Variants in CFAP97 observed in about 807,000 individuals in gnomAD.
CFAP97 encodes the protein cilia and flagella associated protein 97, also known as cilia- and flagella-associated protein 97.
A neutral mutation model predicts 43.1 loss-of-function variants in CFAP97; 36 were observed. The ratio of observed to expected loss-of-function variants is 0.84; its 90% CI spans 0.64 to 1.10. The LOEUF (loss-of-function observed/expected upper bound fraction) is 1.10, where lower values mean the gene tolerates loss of function less well. Among genes scored for constraint, CFAP97 ranks in the 50% least tolerant of loss-of-function variants. The pLI is 0.00. For synonymous variants in CFAP97, 228 were observed against 225.7 expected (o/e 1.01, Z -0.09); for missense variants, 657 against 620.3 (o/e 1.06, Z -0.63).
At chr4:185,197,763 A>G (rs979557261) in intron 1 of CFAP97, among the ~76,000 whole-genome samples, 19 of 152,184 alleles carry the variant, frequency 1.2e-4, no homozygotes, top group Non-Finnish European at 5.9e-5. Flanking sequence ...AAATTATTCC[A>G]ACTCCCATCC....
At chr4:185,197,452 G>A (rs994110113) in intron 1 of CFAP97, among the ~76,000 whole-genome samples, 1 of 149,728 alleles carries the variant, frequency 6.7e-6, no homozygotes, top group Non-Finnish European at 1.5e-5. Flanking sequence ...TTGAGACAGA[G>A]TCTCTCTGAG....
intron 3 of CFAP97, among the ~76,000 whole-genome samples, chr4:185,175,156 C>T (rs1374562031): frequency 6.6e-6 from 1 of 152,068 alleles, no homozygotes; most frequent in African/African-American, 2.4e-5. Context: ...ACTTGGATAC[C>T]ATTTCCTGTT....
intron 3 of CFAP97, among the ~76,000 whole-genome samples, chr4:185,166,769 A>G (rs1259563268): frequency 6.6e-6 from 1 of 152,210 alleles, no homozygotes; most frequent in Non-Finnish European, 1.5e-5. Context: ...GTGTTACATG[A>G]ATATAACAAG....
upstream of CFAP97, chr4:185,204,245 G>A (rs911076326): frequency 1.3e-5 from 2 of 152,238 alleles, no homozygotes; most frequent in Non-Finnish European, 2.9e-5. Context: ...TGCTGCTCCC[G>A]GCTGCCTAGG....
chr4:185,169,783 A>G (rs1455023214), intron 3 of CFAP97: 16 of 985,382 alleles, frequency 1.6e-5, no homozygotes, highest in African/African-American at 1.7e-5. Flanking sequence ...CCACACAGGC[A>G]GAATCAAGAC....
At chr4:185,191,455 A>G (rs1478744288) in intron 1 of CFAP97, among the ~76,000 whole-genome samples, 2 of 152,376 alleles carry the variant, frequency 1.3e-5, no homozygotes, top group Middle Eastern at 3.4e-3. Flanking sequence ...AAAATAACAG[A>G]TCATCAAGGT....
chr4:185,191,062 A>C lies in CFAP97; in HGVS notation c.135T>G (p.Asp45Glu). The C allele has an allele frequency of 1.2e-6, 2 of 1,613,362 alleles. No homozygotes were observed. The highest frequency in any genetic ancestry group is 1.7e-6 in the Non-Finnish European group (2 of 1,179,676). The change falls in exon 2 of 5, where the codon GAT (aspartate) becomes GAG (glutamate). Residue 45 changes from aspartate to glutamate, a missense_variant. Asp to Glu is a conservative substitution (Grantham distance 45). Transcript: ENST00000458385. ...TCGAATTTACATTTTTTGTATCTTT[A>C]TCTATTCTTTCCTTTGGGTCATCAT... ...KQNDDPKERIDKDTKNVNSNT... is the reference protein window; with the variant it reads ...KQNDDPKERIEKDTKNVNSNT...
upstream of CFAP97, chr4:185,204,216 G>A (rs970745100): frequency 6.6e-5 from 10 of 152,254 alleles, no homozygotes; most frequent in Non-Finnish European, 1.3e-4. Context: ...TGGTTGCCAT[G>A]GCGCCCTAGA....
upstream of CFAP97, among the ~76,000 whole-genome samples, chr4:185,208,262 C>T (rs909053136): frequency 2.0e-5 from 3 of 151,954 alleles, no homozygotes; most frequent in Admixed American, 6.6e-5. Flanking sequence ...ATGATCTGCC[C>T]GCCTCAGCCT....
intron 1 of CFAP97, among the ~76,000 whole-genome samples, chr4:185,198,282 AAAAT>A (rs1736648727): frequency 6.6e-6 from 1 of 151,816 alleles, no homozygotes; most frequent in Non-Finnish European, 1.5e-5. Flanking sequence ...ATCTCTACTA[AAAAT>A]ACAAAAACCA....
In CFAP97 at chr4:185,162,798, T is replaced by G; in HGVS notation, c.1599A>C (p.Ter533TyrextTer6). ...ACAATGTTTAAAGTAAAAAAGTGTT[T>G]TATAACCAAGCTGTACGGACATTAG... is the stretch of plus-strand genomic sequence containing the variant. ...KPPNVRTAWL[*>Y] Residue 533 changes from the stop codon to tyrosine, a stop_lost, in exon 5 of 5, where the codon TAA (stop) becomes TAC (tyrosine). Transcript: ENST00000458385. 1 of 1,612,524 alleles carries G rather than the reference T, an allele frequency of 6.2e-7. No individual in the cohort carries two copies. The highest frequency in any genetic ancestry group is 8.5e-7 in the Non-Finnish European group (1 of 1,179,382).
upstream of CFAP97, among the ~76,000 whole-genome samples, chr4:185,206,677 A>AAAAG: frequency 6.6e-6 from 1 of 151,374 alleles, no homozygotes; most frequent in Non-Finnish European, 1.5e-5. Context: ...AAAAAAAAAA[A>AAAAG]AAAAAGAATG....
Position 185,169,524 on chromosome 4 carries a change from G to A in CFAP97, c.1321-5345C>T, listed in dbSNP as rs139056804. The stretch of plus-strand genomic sequence containing the variant: ...AACTCTTTTGTTTATAAATTACCCA[G>A]TCTCAGGTAGTATCTTTACAGCAGT... On this transcript the variant is annotated intron_variant, in intron 3 of 4. Transcript: ENST00000458385. 1.6e-3 allele frequency: 1,199 copies of A among 772,536 alleles called. 9 individuals are homozygous for A. In the African/African-American group the frequency reaches 0.018, roughly 12 times the overall value. 47.9% of individuals were successfully genotyped at this position (772,536 alleles called of 1,614,324 possible).
At chr4:185,169,612 G>C in intron 3 of CFAP97, 2 of 982,978 alleles carry the variant, frequency 2.0e-6, no homozygotes, top group Non-Finnish European at 2.4e-6. Flanking sequence ...ATTCTCTTTG[G>C]AAAAAAAATT....
At chr4:185,204,823 C>CAA (rs1579282074), upstream of CFAP97, among the ~76,000 whole-genome samples, 1 of 152,188 alleles carries the variant, frequency 6.6e-6, no homozygotes, top group East Asian at 1.9e-4. Context: ...GTAGAAGCTG[C>CAA]AAAAGGAGGA....
intron 2 of CFAP97, among the ~76,000 whole-genome samples, chr4:185,183,023 C>A (rs1420533534): frequency 6.6e-6 from 1 of 151,966 alleles, no homozygotes; most frequent in Non-Finnish European, 1.5e-5. Context: ...TCACTTGAAC[C>A]CGGGAGGTGG....
At chr4:185,191,967 G>T (rs932526781) in intron 1 of CFAP97, among the ~76,000 whole-genome samples, 6 of 152,064 alleles carry the variant, frequency 3.9e-5, no homozygotes, top group Non-Finnish European at 7.4e-5. Context: ...AAAAATAAAA[G>T]AAAGGAAAAC....
At chr4:185,170,269 C>T (rs1735242426) in intron 3 of CFAP97, 1 of 657,462 alleles carries the variant, frequency 1.5e-6, no homozygotes, top group Non-Finnish European at 2.8e-6. Context: ...TCACTTGAAC[C>T]CAGGAGATGG....
At chr4:185,208,725 A>C (rs1254506470), upstream of CFAP97, among the ~76,000 whole-genome samples, 2 of 149,836 alleles carry the variant, frequency 1.3e-5, no homozygotes, top group African/African-American at 4.9e-5. Flanking sequence ...CTCCGTCTCA[A>C]AAAAAAAGAA....
Sources: gnomAD v4.1 joint callset for allele counts (sites outside exome capture counted in the v4.1 genomes callset) on GRCh38, gnomAD v4.1.1 for gene constraint, MANE v1.5 for transcripts, NCBI Gene and HGNC (gene_info 2026-07-23, HGNC 2026-07-21) for gene names.